Variants in KIF15 observed in about 807,000 individuals in gnomAD.
KIF15 encodes the protein kinesin family member 15.
KIF15 carries 140 observed loss-of-function variants against 190.6 expected under a neutral mutation model. The ratio of observed to expected loss-of-function variants is 0.73; its 90% confidence interval spans 0.64 to 0.84. KIF15 has a LOEUF of 0.84. Among genes scored for constraint, KIF15 ranks in the 40% least tolerant of loss-of-function variants. The probability of loss-of-function intolerance (pLI) is 0.00; values close to 1 mark genes in which losing one functional copy is unlikely to be tolerated. For synonymous variants in KIF15, 528 were observed against 551.3 expected, an observed-to-expected ratio of 0.96 and a Z score of 0.59; for missense variants, 1,372 against 1,584.4, an observed-to-expected ratio of 0.87 and a Z score of 2.28.
chr3:44,821,686 G>A (rs1697334630), intron 20 of KIF15, among the ~76,000 whole-genome samples: 1 of 152,154 alleles, frequency 6.6e-6, no homozygotes, highest in Non-Finnish European at 1.5e-5. Flanking sequence ...ATGATGGGCG[G>A]CCAGGCAGAG....
chr3:44,862,163 G>C, intron 6 of KIF15: 1 of 597,724 alleles, frequency 1.7e-6, no homozygotes, highest in Non-Finnish European at 2.1e-6. Flanking sequence ...GCGGGCGGGC[G>C]GGGCGCCGCT....
chr3:44,837,090 T>C (rs1383290140), intron 26 of KIF15, among the ~76,000 whole-genome samples: 1 of 152,178 alleles, frequency 6.6e-6, no homozygotes, highest in Non-Finnish European at 1.5e-5. Context: ...GTTTTAAGAC[T>C]GGGAGGGCCA....
intron 5 of KIF15, among the ~76,000 whole-genome samples, chr3:44,781,590 T>C (rs996280250): frequency 6.6e-6 from 1 of 152,204 alleles, no homozygotes; most frequent in Non-Finnish European, 1.5e-5. Context: ...TGCTGGATCA[T>C]AGGATATATG....
At chr3:44,832,465 A>T (rs1396783001) in intron 26 of KIF15, among the ~76,000 whole-genome samples, 1 of 152,150 alleles carries the variant, frequency 6.6e-6, no homozygotes, top group Non-Finnish European at 1.5e-5. Context: ...GTCCAGTTGG[A>T]TATGTACCAT....
chr3:44,801,644 A>T, intron 12 of KIF15, 118 bp downstream of exon 12: 1 of 962,612 alleles, frequency 1.0e-6, no homozygotes, highest in Non-Finnish European at 1.6e-6. Flanking sequence ...ATGGAAGGCT[A>T]TGAAAAATCA....
chr3:44,837,220 A>G (rs1336723584), intron 26 of KIF15, among the ~76,000 whole-genome samples: 2 of 152,230 alleles, frequency 1.3e-5, no homozygotes, highest in African/African-American at 4.8e-5. Flanking sequence ...TTAAGACCCA[A>G]GGAAGATGTG....
chr3:44,857,460 G>T (rs1699200780), downstream of KIF15, among the ~76,000 whole-genome samples: 1 of 152,220 alleles, frequency 6.6e-6, no homozygotes, highest in Admixed American at 6.5e-5. Context: ...ATGGGGCGCG[G>T]TCCTGGTCCT....
chr3:44,868,137 T>C (rs1246592608), intron 6 of KIF15, among the ~76,000 whole-genome samples: 2 of 152,362 alleles, frequency 1.3e-5, no homozygotes, highest in East Asian at 3.9e-4. Flanking sequence ...CCCAGGCCCA[T>C]GGCAATCAAG....
At position 44,861,938 on chromosome 3, in the gene KIF15, C is replaced by T. The variant is rs559908499; in HGVS notation, c.*59+9144C>T. ...TCAGCAGGCAACATGGCCGAGAGGC[C>T]GGGGCCTCCGGGCGGCGCCGTGTCC... On this transcript the variant is annotated intron_variant and NMD_transcript_variant, in intron 6 of 6. Coordinates refer to the KIF15 transcript ENST00000422209. The T allele has an allele frequency of 4.0e-5, 57 of 1,421,374 alleles. No homozygotes were observed. The African/African-American group carries it at 8.0e-4, about 20-fold the overall frequency. The allele number at this position is 1,421,374 out of a possible 1,614,324, so 88.0% of individuals were successfully genotyped here.
intron 7 of KIF15, among the ~76,000 whole-genome samples, chr3:44,792,599 C>T (rs572452083): frequency 1.1e-3 from 168 of 149,096 alleles, no homozygotes; most frequent in African/African-American, 3.8e-3. Flanking sequence ...CAGGCTGGAG[C>T]GGAATGGCCC....
chr3:44,775,161 T>C, intron 2 of KIF15, 93 bp from the exon 3 acceptor site: 1 of 993,262 alleles, frequency 1.0e-6, no homozygotes, highest in South Asian at 1.6e-5. Context: ...AGAAACTCAT[T>C]ATAGAAACAT....
intron 24 of KIF15, among the ~76,000 whole-genome samples, chr3:44,828,961 T>C (rs140265438): frequency 0.019 from 2,827 of 150,326 alleles, 75 homozygotes; most frequent in African/African-American, 0.064. Flanking sequence ...TGCTTGAACC[T>C]GGGAGGTGGA....
chr3:44,787,527 CT>C (rs1451943919), intron 7 of KIF15, among the ~76,000 whole-genome samples: 3 of 152,092 alleles, frequency 2.0e-5, no homozygotes, highest in Non-Finnish European at 2.9e-5. Context: ...TAAATTGAGA[CT>C]CCCCCCGGCG....
At chr3:44,865,736 A>G (rs7622843) in intron 6 of KIF15, 111,290 of 156,156 alleles carry the variant, frequency 0.71, 40,260 homozygotes, top group East Asian at 1. Context: ...CTGAAATCCC[A>G]ATGTGGAGGA....
chr3:44,813,596 T>C (rs1327059974), intron 19 of KIF15, among the ~76,000 whole-genome samples: 2 of 151,028 alleles, frequency 1.3e-5, no homozygotes, highest in Non-Finnish European at 2.9e-5. Flanking sequence ...ATTTTTTTTT[T>C]CTTTGGTCAT....
chr3:44,835,860 A>G (rs1194913708), intron 26 of KIF15, among the ~76,000 whole-genome samples: 2 of 152,320 alleles, frequency 1.3e-5, no homozygotes, highest in East Asian at 1.9e-4. Context: ...AGCCAAAACA[A>G]TTTTTACATG....
At chr3:44,790,963 G>A (rs1429338030) in intron 7 of KIF15, among the ~76,000 whole-genome samples, 3 of 152,142 alleles carry the variant, frequency 2.0e-5, no homozygotes, top group South Asian at 4.1e-4. Context: ...TTACAGGCGC[G>A]AGCCACTGGG....
intron 8 of KIF15, among the ~76,000 whole-genome samples, chr3:44,795,508 C>G (rs977395253): frequency 2.0e-5 from 3 of 152,122 alleles, no homozygotes; most frequent in African/African-American, 7.2e-5. Context: ...TTTATAGAAA[C>G]TTAGTCATCT....
rs1707065820 is a variant in KIF15, at chr3:44,797,844, G to A, written c.986G>A (p.Gly329Glu). The A allele has an allele frequency of 6.2e-7, 1 of 1,613,480 alleles. No individual in the cohort carries two copies. Among genetic ancestry groups the A allele is most frequent in the East Asian group, 2.2e-5 (1 of 44,880 alleles). The change falls in exon 10 of 35, where the codon GGA becomes GAA. Residue 329 changes from glycine (G) to glutamate (E), a missense_variant. Coordinates refer to ENST00000326047, the MANE Select transcript of KIF15 (RefSeq NM_020242.3). ...CCTATCATTAAACAGGATTCCCTTG[G>A]AGGTAATGCCAAAACAGCCATAATT... ...KLTFLLRDSLGGNAKTAIIAN... is the reference protein window; with the variant it reads ...KLTFLLRDSLEGNAKTAIIAN...
Sources: gnomAD v4.1 joint callset for allele counts (sites outside exome capture counted in the v4.1 genomes callset) on GRCh38, gnomAD v4.1.1 for gene constraint, MANE v1.5 for transcripts, NCBI Gene and HGNC (gene_info 2026-07-23, HGNC 2026-07-21) for gene names.